PCDH7: variants seen among roughly 807,000 people sequenced by gnomAD.
PCDH7 encodes the protein protocadherin 7, also known as protocadherin-7.
In PCDH7, 17 loss-of-function variants were observed where a neutral mutation model predicts 58.9. That is an observed-to-expected ratio of 0.29 (90% confidence interval 0.20 to 0.43). The LOEUF (loss-of-function observed/expected upper bound fraction) is 0.43, where lower values mean the gene tolerates loss of function less well. Ranked by LOEUF, PCDH7 falls within the 20% of genes least tolerant of loss-of-function variation. PCDH7 has a pLI of 1.00. For synonymous variants in PCDH7, 664 were observed against 616.4 expected (o/e 1.08, Z -1.14); for missense variants, 1,274 against 1,441.0 (o/e 0.88, Z 1.88).
chr4:30,949,950 T>C (rs1747180780), intron 2 of PCDH7, among the ~76,000 whole-genome samples: 1 of 152,170 alleles, frequency 6.6e-6, no homozygotes, highest in African/African-American at 2.4e-5. Flanking sequence ...CATTTCAAAA[T>C]ACTAATTTGT....
At chr4:30,741,359 TAA>T (rs5857203) in intron 1 of PCDH7, among the ~76,000 whole-genome samples, 15 of 146,046 alleles carry the variant, frequency 1.0e-4, no homozygotes, top group South Asian at 2.2e-4. Flanking sequence ...TATGGCTAGT[TAA>T]AAAAAAAAAA....
At chr4:30,991,946 C>G (rs1751495866) in intron 3 of PCDH7, among the ~76,000 whole-genome samples, 1 of 152,124 alleles carries the variant, frequency 6.6e-6, no homozygotes, top group Non-Finnish European at 1.5e-5. Context: ...TGGCATGGAA[C>G]AGCACTTAAA....
intron 3 of PCDH7, among the ~76,000 whole-genome samples, chr4:31,006,636 T>C (rs1408504083): frequency 2.6e-5 from 4 of 152,164 alleles, no homozygotes; most frequent in Non-Finnish European, 5.9e-5. Flanking sequence ...CTCATGCCTG[T>C]AATCCCAGCA....
intron 3 of PCDH7, among the ~76,000 whole-genome samples, chr4:31,083,923 C>A (rs1166672375): frequency 6.6e-6 from 1 of 152,130 alleles, no homozygotes; most frequent in African/African-American, 2.4e-5. Context: ...AGTAAATTTT[C>A]TTTAAAACTT....
intron 1 of PCDH7, among the ~76,000 whole-genome samples, chr4:30,849,425 C>T (rs1346937437): frequency 6.6e-6 from 1 of 152,142 alleles, no homozygotes; most frequent in Non-Finnish European, 1.5e-5. Context: ...TTTCGTGTTA[C>T]TTTCAGTCTT....
intron 1 of PCDH7, among the ~76,000 whole-genome samples, chr4:30,889,560 G>T (rs988293256): frequency 1.3e-5 from 2 of 152,048 alleles, no homozygotes; most frequent in East Asian, 3.9e-4. Flanking sequence ...AACTGTTTGA[G>T]CTACCATAAC....
At position 30,791,241 on chromosome 4, in the gene PCDH7, T is replaced by A. The variant is rs1212995771; in HGVS notation, c.70+66645T>A. ...GGCAGAATATCATAGTGATTAAGAGTGCAGTGTCTGGAATTCAGCCTGCTT... is the reference window on the plus strand; with the variant it reads ...GGCAGAATATCATAGTGATTAAGAGAGCAGTGTCTGGAATTCAGCCTGCTT... On this transcript the variant is annotated intron_variant, in intron 1 of 3. Transcript: ENST00000509759. Among the ~76,000 whole-genome samples, 3 of 152,056 alleles carry A rather than the reference T, an allele frequency of 2.0e-5. No homozygotes were observed. The South Asian group carries it at 6.2e-4, about 32-fold the overall frequency.
intron 3 of PCDH7, among the ~76,000 whole-genome samples, chr4:31,133,055 A>T (rs1719182756): frequency 6.6e-6 from 1 of 152,174 alleles, no homozygotes; most frequent in South Asian, 2.1e-4. Flanking sequence ...TGTTTGTTTT[A>T]AATCTTTGTG....
intron 1 of PCDH7, among the ~76,000 whole-genome samples, chr4:30,797,510 G>A (rs552272526): frequency 3.7e-4 from 57 of 152,106 alleles, no homozygotes; most frequent in African/African-American, 1.3e-3. Context: ...TCCTGACCTC[G>A]TGATCTGCCC....
intron 3 of PCDH7, among the ~76,000 whole-genome samples, chr4:31,076,777 A>G (rs1759031018): frequency 6.6e-6 from 1 of 152,208 alleles, no homozygotes; most frequent in African/African-American, 2.4e-5. Flanking sequence ...CTATTGGTGT[A>G]ATACACCACA....
intron 3 of PCDH7, among the ~76,000 whole-genome samples, chr4:31,049,510 C>T: frequency 6.6e-6 from 1 of 152,068 alleles, no homozygotes; most frequent in East Asian, 1.9e-4. Context: ...TTGCTAGTAA[C>T]AGGGATAGGG....
intron 3 of PCDH7, among the ~76,000 whole-genome samples, chr4:31,045,528 G>C (rs1197003709): frequency 6.6e-6 from 1 of 151,972 alleles, no homozygotes. Flanking sequence ...TAAGCAGAAC[G>C]GTAGCTGATA....
chr4:30,812,465 T>C (rs771625452), intron 1 of PCDH7, among the ~76,000 whole-genome samples: 1 of 152,192 alleles, frequency 6.6e-6, no homozygotes, highest in African/African-American at 2.4e-5. Context: ...TTAAGTATAT[T>C]GTATGAAAGT....
intron 3 of PCDH7, among the ~76,000 whole-genome samples, chr4:31,073,405 A>G (rs1469972369): frequency 6.6e-6 from 1 of 152,216 alleles, no homozygotes. Context: ...CAATCATTAC[A>G]AAGAACTGAA....
intron 3 of PCDH7, among the ~76,000 whole-genome samples, chr4:31,081,173 C>T (rs978967088): frequency 4.6e-5 from 7 of 152,168 alleles, no homozygotes; most frequent in Admixed American, 2.6e-4. Context: ...AATGGAATTT[C>T]TGGTATTTAA....
In PCDH7 at chr4:31,085,688, A is replaced by C. The variant is rs1025091709; in HGVS notation, c.*8-56785A>C. On this transcript the variant is annotated intron_variant, in intron 3 of 3. Transcript: ENST00000509759. ...TGAGATTTGGAGGGGACAAATATCT[A>C]AACCATCTCATGTAGGGTGTTTTCA... Among the ~76,000 whole-genome samples the C allele has an allele frequency of 2.0e-5, 3 of 152,298 alleles. No individual in the cohort carries two copies. In the South Asian group the frequency reaches 6.2e-4, roughly 32 times the overall value.
chr4:31,125,452 A>G (rs1718184946), intron 3 of PCDH7, among the ~76,000 whole-genome samples: 2 of 152,210 alleles, frequency 1.3e-5, no homozygotes, highest in South Asian at 4.1e-4. Flanking sequence ...GATTCAGCTT[A>G]GACAAAGAAG....
intron 3 of PCDH7, among the ~76,000 whole-genome samples, chr4:30,966,099 G>C (rs142399643): frequency 2.0e-5 from 3 of 152,080 alleles, no homozygotes; most frequent in Non-Finnish European, 4.4e-5. Context: ...CCAAAGCAAG[G>C]GCTGCTTAAA....
At chr4:31,084,916 C>A (rs28823038) in intron 3 of PCDH7, among the ~76,000 whole-genome samples, 3,909 of 152,110 alleles carry the variant, frequency 0.026, 177 homozygotes, top group African/African-American at 0.089. Context: ...GATCTGCCCC[C>A]GTGGTCCAAA....
Sources: allele counts gnomAD v4.1 joint callset (sites outside exome capture counted in the v4.1 genomes callset), GRCh38; gene constraint gnomAD v4.1.1; transcripts MANE v1.5; gene names NCBI Gene and HGNC (gene_info 2026-07-23, HGNC 2026-07-21).